SLC22A2: variants seen among roughly 807,000 people sequenced by gnomAD.
The protein encoded by SLC22A2 is organic cation transporter 2.
Under a neutral mutation model 60.5 loss-of-function variants are expected in SLC22A2, and 46 were observed. The ratio of observed to expected loss-of-function variants is 0.76; its 90% CI spans 0.60 to 0.97. The LOEUF is 0.97. Among genes scored for constraint, SLC22A2 ranks in the 50% least tolerant of loss-of-function variants. The pLI, the probability that SLC22A2 is intolerant of heterozygous loss-of-function variation, is 0.00. For synonymous variants in SLC22A2, 303 were observed against 267.0 expected, an observed-to-expected ratio of 1.13 and a Z score of -1.31; for missense variants, 701 against 706.6, an observed-to-expected ratio of 0.99 and a Z score of 0.09.
intron 9 of SLC22A2, among the ~76,000 whole-genome samples, chr6:160,240,129 G>A (rs745675779): frequency 4.0e-5 from 6 of 151,860 alleles, no homozygotes; most frequent in Non-Finnish European, 8.8e-5. Flanking sequence ...AGACACATCT[G>A]TGGCTGTTTT....
chr6:160,232,550 G>A (rs555669960), intron 9 of SLC22A2, among the ~76,000 whole-genome samples: 1 of 146,722 alleles, frequency 6.8e-6, no homozygotes, highest in South Asian at 2.3e-4. Flanking sequence ...CTATGCAAGG[G>A]TCCTCCATCA....
chr6:160,249,505 ACT>A (rs913429349), intron 3 of SLC22A2, 121 bp from the exon 4 acceptor site: 30 of 721,420 alleles, frequency 4.2e-5, no homozygotes, highest in African/African-American at 3.7e-4. Context: ...ATTCTACGCA[ACT>A]CTCTGAATAT....
At chr6:160,258,187 T>C (rs1438801634) in intron 1 of SLC22A2, among the ~76,000 whole-genome samples, 157 bp downstream of exon 1, 2 of 152,234 alleles carry the variant, frequency 1.3e-5, no homozygotes, top group Non-Finnish European at 2.9e-5. Context: ...AATTAGAAGC[T>C]GCATGTTCTC....
Position 160,231,108 on chromosome 6 carries a change from C to T in SLC22A2, c.1502-6304G>A, listed in dbSNP as rs181968329. Among the ~76,000 whole-genome samples the T allele has an allele frequency of 1.3e-3, 197 of 151,922 alleles. 2 individuals are homozygous for T. The highest frequency in any genetic ancestry group is 4.3e-3 in the African/African-American group (176 of 41,222). ...CTCCACATTACCTTCTTTCCAAGGG[C>T]CTATTTCCCTTGCCTCCATAACTGT... is the stretch of plus-strand genomic sequence containing the variant. On this transcript the variant is annotated intron_variant, in intron 9 of 10. Coordinates refer to ENST00000366953, the MANE Select transcript of SLC22A2 (RefSeq NM_003058.4).
chr6:160,217,613 G>T, intron 10 of SLC22A2, 115 bp from the exon 11 acceptor site: 1 of 644,514 alleles, frequency 1.6e-6, no homozygotes, highest in South Asian at 1.9e-5. Flanking sequence ...CTTTGTTCAG[G>T]ATTAGTCTTG....
At chr6:160,227,572 T>C (rs934388791) in intron 9 of SLC22A2, among the ~76,000 whole-genome samples, 15 of 152,216 alleles carry the variant, frequency 9.9e-5, no homozygotes, top group Non-Finnish European at 2.1e-4. Flanking sequence ...CTCAGGCAAG[T>C]CACTCATATT....
intron 2 of SLC22A2, among the ~76,000 whole-genome samples, chr6:160,252,790 A>C (rs2114871068): frequency 6.6e-6 from 1 of 152,364 alleles, no homozygotes; most frequent in Non-Finnish European, 1.5e-5. Flanking sequence ...TATGCAACTT[A>C]GCATTTGGGA....
intron 9 of SLC22A2, among the ~76,000 whole-genome samples, chr6:160,240,321 A>C (rs1417676904): frequency 6.6e-6 from 1 of 152,220 alleles, no homozygotes; most frequent in African/African-American, 2.4e-5. Flanking sequence ...ATGGGAGTAA[A>C]GAAAAGAATC....
At position 160,245,844 on chromosome 6, in the gene SLC22A2, T is replaced by G. The variant is rs138722389; in HGVS notation, c.958-299A>C. ...TCCTGAGTAGCTGGGATTACAGGCA[T>G]GCACCACAATGCCCAGCTTTTTTTT... On this transcript the variant is annotated intron_variant, in intron 5 of 10. Coordinates refer to ENST00000366953, the MANE Select transcript of SLC22A2 (RefSeq NM_003058.4). 7.4e-3 allele frequency among the ~76,000 whole-genome samples: 1,118 copies of G among 150,320 alleles called. 15 individuals are homozygous for G. The highest frequency in any genetic ancestry group is 0.025 in the African/African-American group (1,040 of 40,806).
chr6:160,235,049 T>C (rs1046289783), intron 9 of SLC22A2, among the ~76,000 whole-genome samples: 3 of 152,182 alleles, frequency 2.0e-5, no homozygotes, highest in Non-Finnish European at 2.9e-5. Context: ...GTCAGTTTGT[T>C]CAAGCTCTAA....
rs533977207 is a variant in SLC22A2 at position 160,256,771 on chromosome 6, G to C, written c.415-54C>G. 1.4e-5 allele frequency: 17 copies of C among 1,203,872 alleles called. No homozygotes were observed. The East Asian group carries it at 3.3e-4, about 23-fold the overall frequency. The allele number at this position is 1,203,872 out of a possible 1,614,324, so 74.6% of individuals were successfully genotyped here. A position where few individuals can be genotyped will look rare whatever the true frequency, so the allele number is the denominator to read the frequency against. ...TGGGAGAGAAAGGAAATGAAATCCT[G>C]TTAGAATCCTGTTGGACATAACTCA... On this transcript the variant is annotated intron_variant, in intron 1 of 10. Coordinates refer to ENST00000366953, the MANE Select transcript of SLC22A2 (RefSeq NM_003058.4).
chr6:160,244,195 C>G, intron 6 of SLC22A2: 1 of 171,566 alleles, frequency 5.8e-6, no homozygotes, highest in Admixed American at 5.6e-5. Flanking sequence ...AGTTATTCCC[C>G]TGCCTCAGCC....
intron 4 of SLC22A2, among the ~76,000 whole-genome samples, chr6:160,247,781 G>A (rs1414244865): frequency 6.6e-6 from 1 of 152,230 alleles, no homozygotes; most frequent in Non-Finnish European, 1.5e-5. Context: ...AGGGCTCGGG[G>A]AGCCCTTGCA....
rs771070796 is a variant in SLC22A2 at position 160,258,799 on chromosome 6, G to A, written c.-42C>T. The A allele has an allele frequency of 3.3e-5, 49 of 1,502,520 alleles. No homozygotes were observed. Among genetic ancestry groups the A allele is most frequent in the Admixed American group, 3.2e-4 (14 of 43,598 alleles). 93.1% of individuals were successfully genotyped at this position (1,502,520 alleles called of 1,614,324 possible). Reference sequence around the variant, plus strand: ...GGGCCCGAGGCTGCCCGACGTGCCCGGAGCGAGGCTGAGAGCGGCTGCAGC... The same window carrying A: ...GGGCCCGAGGCTGCCCGACGTGCCCAGAGCGAGGCTGAGAGCGGCTGCAGC... On this transcript the variant is annotated 5_prime_UTR_variant, in exon 1 of 11. Coordinates refer to ENST00000366953, the MANE Select transcript of SLC22A2 (RefSeq NM_003058.4).
rs1303948091 is a variant in SLC22A2 at position 160,250,684 on chromosome 6, G to A, written c.537C>T (p.Cys179=). ...YIADRFGRKL[C]LLTTVLINAA... ...CATTTATGAGGACTGTAGTTAGGAG[G>A]CAGAGCTTACGGCCAAACCTGCAGG... Residue 179 remains cysteine (C), a synonymous_variant, in exon 3 of 11, where the codon TGC becomes TGT. Coordinates refer to ENST00000366953, the MANE Select transcript of SLC22A2 (RefSeq NM_003058.4). The A allele has an allele frequency of 1.2e-6, 2 of 1,614,028 alleles. No homozygotes were observed. The highest frequency in any genetic ancestry group is 1.3e-5 in the African/African-American group (1 of 75,056).
chr6:160,227,446 A>T (rs1217841043), intron 9 of SLC22A2, among the ~76,000 whole-genome samples: 19 of 152,144 alleles, frequency 1.2e-4, no homozygotes, highest in Non-Finnish European at 5.9e-5. Context: ...TCTGGACCAA[A>T]CTAATGGATA....
In SLC22A2 at chr6:160,217,122, A is replaced by C. The variant is rs1014737016; in HGVS notation, c.*310T>G. ...CACAGTTCCCCTATGTATTCTGGTT[A>C]GATAGCATTGCAAAGAAAAGAATCA... On this transcript the variant is annotated 3_prime_UTR_variant, in exon 11 of 11. Transcript: ENST00000366953. 5 of 231,058 alleles carry C rather than the reference A, an allele frequency of 2.2e-5. No homozygotes were observed. Among genetic ancestry groups the C allele is most frequent in the Non-Finnish European group, 4.1e-5 (5 of 120,664 alleles). 14.3% of individuals were successfully genotyped at this position (231,058 alleles called of 1,614,324 possible).
chr6:160,254,357 A>G (rs1783235298), intron 2 of SLC22A2, among the ~76,000 whole-genome samples: 1 of 152,174 alleles, frequency 6.6e-6, no homozygotes, highest in Non-Finnish European at 1.5e-5. Flanking sequence ...TTGGTGAGGA[A>G]TTGCTTTTTT....
chr6:160,222,301 G>C (rs929977877), intron 10 of SLC22A2, among the ~76,000 whole-genome samples: 1 of 152,162 alleles, frequency 6.6e-6, no homozygotes, highest in Non-Finnish European at 1.5e-5. Flanking sequence ...AGTAGGTACT[G>C]TTGTCCCCAT....
Sources: gnomAD v4.1 joint callset for allele counts (sites outside exome capture counted in the v4.1 genomes callset) on GRCh38, gnomAD v4.1.1 for gene constraint, MANE v1.5 for transcripts, NCBI Gene and HGNC (gene_info 2026-07-23, HGNC 2026-07-21) for gene names.